The following HNF4G variants were observed in gnomAD, a reference collection of about 807,000 sequenced individuals.
The protein encoded by HNF4G is hepatocyte nuclear factor 4 gamma, also known as hepatocyte nuclear factor 4-gamma.
HNF4G carries 21 observed loss-of-function variants against 50.9 expected under a neutral mutation model. That is an observed-to-expected ratio of 0.41 (90% CI 0.29 to 0.59). The LOEUF is 0.59. HNF4G is among the 20% of genes least tolerant of loss of function. The probability of loss-of-function intolerance (pLI) is 0.26; values close to 1 mark genes in which losing one functional copy is unlikely to be tolerated. For missense variants in HNF4G, 527 were observed against 559.4 expected (o/e 0.94, Z 0.58); for synonymous variants, 198 against 185.6 (o/e 1.07, Z -0.54).
At chr8:75,434,165 G>A (rs566566145) in intron 1 of HNF4G, among the ~76,000 whole-genome samples, 8 of 151,664 alleles carry the variant, frequency 5.3e-5, no homozygotes, top group South Asian at 4.2e-4. Flanking sequence ...CACCCCACCC[G>A]GCTAATTTTT....
intron 2 of HNF4G, among the ~76,000 whole-genome samples, chr8:75,499,613 C>G (rs540321609): frequency 6.6e-6 from 1 of 151,628 alleles, no homozygotes. Context: ...GCTGAATGAC[C>G]CACACTTTCC....
At position 75,551,163 on chromosome 8, in the gene HNF4G, G is replaced by A. The variant is rs550443876; in HGVS notation, c.383-225G>A. Among the ~76,000 whole-genome samples, 6 of 152,102 alleles carry A rather than the reference G, an allele frequency of 3.9e-5. No homozygotes were observed. The South Asian group carries it at 8.3e-4, about 21-fold the overall frequency. ...TGGCTGACCCAACACTTTCTAACAT[G>A]CATGCTGTCATGAAGTCTCAAACAG... On this transcript the variant is annotated intron_variant, in intron 3 of 9. Transcript: ENST00000396423.
chr8:75,545,496 A>T (rs552852263), intron 2 of HNF4G, among the ~76,000 whole-genome samples: 2 of 152,246 alleles, frequency 1.3e-5, no homozygotes, highest in South Asian at 4.1e-4. Context: ...ATATTTTAGT[A>T]TTCAGCAAAT....
chr8:75,448,727 C>T (rs959701656), intron 1 of HNF4G, among the ~76,000 whole-genome samples: 1 of 151,854 alleles, frequency 6.6e-6, no homozygotes, highest in African/African-American at 2.4e-5. Flanking sequence ...AACTATCTAT[C>T]TGATCTTGGG....
intron 2 of HNF4G, among the ~76,000 whole-genome samples, chr8:75,491,924 C>A (rs1265790883): frequency 1.3e-5 from 2 of 152,154 alleles, no homozygotes; most frequent in Non-Finnish European, 2.9e-5. Flanking sequence ...CAATGCTTGC[C>A]CCAAACAAGT....
At chr8:75,489,731 A>G (rs1812578482) in intron 1 of HNF4G, among the ~76,000 whole-genome samples, 1 of 152,244 alleles carries the variant, frequency 6.6e-6, no homozygotes, top group African/African-American at 2.4e-5. Flanking sequence ...TTCCAAGGTG[A>G]AATCACCATT....
At chr8:75,497,868 A>G (rs1812819241) in intron 2 of HNF4G, among the ~76,000 whole-genome samples, 1 of 152,108 alleles carries the variant, frequency 6.6e-6, no homozygotes, top group South Asian at 2.1e-4. Context: ...ATTTTGTTGT[A>G]AAATGTTTCA....
chr8:75,525,055 G>GTGTT (rs2130753527), intron 2 of HNF4G, among the ~76,000 whole-genome samples: 1 of 152,260 alleles, frequency 6.6e-6, no homozygotes, highest in South Asian at 2.1e-4. Flanking sequence ...AGTTCTCAAA[G>GTGTT]TGTTAGAGAA....
chr8:75,538,332 G>A (rs1806524577), upstream of HNF4G, among the ~76,000 whole-genome samples: 1 of 152,182 alleles, frequency 6.6e-6, no homozygotes, highest in Admixed American at 6.5e-5. Context: ...GACTAGGGTA[G>A]AAGGATAAAA....
intron 1 of HNF4G, among the ~76,000 whole-genome samples, chr8:75,439,535 G>A (rs571008616): frequency 6.6e-6 from 1 of 151,682 alleles, no homozygotes; most frequent in African/African-American, 2.4e-5. Flanking sequence ...TTTGTATCTG[G>A]CATTAAAAAA....
At chr8:75,544,072 A>G in intron 2 of HNF4G, 93 bp downstream of exon 2, 1 of 1,100,096 alleles carries the variant, frequency 9.1e-7, no homozygotes, top group Non-Finnish European at 1.3e-6. Flanking sequence ...GTTTTCGTAT[A>G]TCTGTAAGTC....
chr8:75,409,473 C>T (rs2130454087), intron 1 of HNF4G, among the ~76,000 whole-genome samples: 1 of 138,062 alleles, frequency 7.2e-6, no homozygotes, highest in East Asian at 2.1e-4. Flanking sequence ...TTTTTGAGTG[C>T]CTTGTTCTTT....
intron 2 of HNF4G, among the ~76,000 whole-genome samples, chr8:75,523,094 G>A (rs183782479): frequency 3.3e-5 from 5 of 152,028 alleles, no homozygotes; most frequent in Admixed American, 1.3e-4. Flanking sequence ...GCTTGGTGGC[G>A]GGCACCTGTA....
chr8:75,449,753 C>T (rs972225060), intron 1 of HNF4G, among the ~76,000 whole-genome samples: 4 of 152,100 alleles, frequency 2.6e-5, no homozygotes, highest in East Asian at 1.9e-4. Context: ...GTGATCCGCC[C>T]CCCTTGGCCT....
At chr8:75,549,851 C>T (rs1409794780) in intron 3 of HNF4G, among the ~76,000 whole-genome samples, 1 of 151,676 alleles carries the variant, frequency 6.6e-6, no homozygotes, top group African/African-American at 2.4e-5. Context: ...TGAGTGAGAA[C>T]ATGTGATGTT....
At chr8:75,468,859 G>T (rs1376039730) in intron 1 of HNF4G, among the ~76,000 whole-genome samples, 1 of 151,156 alleles carries the variant, frequency 6.6e-6, no homozygotes, top group African/African-American at 2.4e-5. Flanking sequence ...AGTAGATTAT[G>T]ATTTTATGGG....
chr8:75,557,497 T>C (rs1807166287), intron 6 of HNF4G, among the ~76,000 whole-genome samples: 1 of 152,158 alleles, frequency 6.6e-6, no homozygotes, highest in South Asian at 2.1e-4. Context: ...GGCGGGAGCC[T>C]GTAATCCCAG....
intron 1 of HNF4G, among the ~76,000 whole-genome samples, chr8:75,462,271 T>C (rs150726198): frequency 2.4e-4 from 36 of 152,316 alleles, no homozygotes; most frequent in African/African-American, 7.7e-4. Context: ...AAATTGTCAG[T>C]ACTATTAACT....
intron 2 of HNF4G, among the ~76,000 whole-genome samples, chr8:75,544,418 T>G (rs1454539510): frequency 6.6e-6 from 1 of 152,230 alleles, no homozygotes; most frequent in Non-Finnish European, 1.5e-5. Context: ...AGTATTTTTC[T>G]TCATGTTTAT....
Sources: gnomAD v4.1 joint callset for allele counts (sites outside exome capture counted in the v4.1 genomes callset) on GRCh38, gnomAD v4.1.1 for gene constraint, MANE v1.5 for transcripts, NCBI Gene and HGNC (gene_info 2026-07-23, HGNC 2026-07-21) for gene names.